The following AKAP6 variants were observed in gnomAD, a reference collection of about 807,000 sequenced individuals.
AKAP6 encodes A-kinase anchor protein 6.
A neutral mutation model predicts 188.5 loss-of-function variants in AKAP6; 58 were observed. The ratio of observed to expected loss-of-function variants is 0.31; its 90% CI spans 0.25 to 0.38. The LOEUF (loss-of-function observed/expected upper bound fraction) is 0.38, where lower values mean the gene tolerates loss of function less well. AKAP6 is among the 10% of genes least tolerant of loss of function. The pLI is 1.00. For missense variants in AKAP6, 2,710 were observed against 2,740.0 expected (o/e 0.99, Z 0.24); for synonymous variants, 989 against 998.6 (o/e 0.99, Z 0.18).
chr14:32,764,614 A>C (rs2032645824), intron 11 of AKAP6, among the ~76,000 whole-genome samples: 1 of 152,098 alleles, frequency 6.6e-6, no homozygotes, highest in Non-Finnish European at 1.5e-5. Flanking sequence ...TTTGTTGCTT[A>C]TTAGCTGTGT....
At position 32,621,252 on chromosome 14, in the gene AKAP6, T is replaced by A. The variant is rs554073279; in HGVS notation, c.2730+20460T>A. Among the ~76,000 whole-genome samples, 14 of 152,214 alleles carry A rather than the reference T, an allele frequency of 9.2e-5. No homozygotes were observed. In the South Asian group the frequency reaches 1.0e-3, roughly 11 times the overall value. On this transcript the variant is annotated intron_variant, in intron 7 of 13. Coordinates refer to ENST00000280979, the MANE Select transcript of AKAP6 (RefSeq NM_004274.5). ...GGTTTGTTCTTATTTCTCTACTTTC[T>A]TGAGGTGTGGCAATAAACTGTCAAT... is the stretch of plus-strand genomic sequence containing the variant.
At chr14:32,659,874 G>C (rs1334435040) in intron 7 of AKAP6, among the ~76,000 whole-genome samples, 1 of 152,042 alleles carries the variant, frequency 6.6e-6, no homozygotes, top group Non-Finnish European at 1.5e-5. Flanking sequence ...GCTAAGATTT[G>C]TCTTCATTCA....
intron 7 of AKAP6, among the ~76,000 whole-genome samples, chr14:32,652,330 C>G (rs1888267335): frequency 6.6e-6 from 1 of 152,282 alleles, no homozygotes; most frequent in Non-Finnish European, 1.5e-5. Flanking sequence ...TCTTCCTCGA[C>G]TAGGCCTCTT....
At chr14:32,731,627 TC>T (rs1455171548) in intron 9 of AKAP6, among the ~76,000 whole-genome samples, 1 of 152,140 alleles carries the variant, frequency 6.6e-6, no homozygotes, top group Non-Finnish European at 1.5e-5. Flanking sequence ...GATTTTCTAC[TC>T]AGAGGAGTTT....
At chr14:32,520,474 A>G (rs2139056603) in intron 2 of AKAP6, among the ~76,000 whole-genome samples, 1 of 152,340 alleles carries the variant, frequency 6.6e-6, no homozygotes, top group South Asian at 2.1e-4. Context: ...AAGAAAAGAG[A>G]GAAGAATCGA....
At chr14:32,685,564 C>T (rs1431261386) in intron 8 of AKAP6, among the ~76,000 whole-genome samples, 1 of 151,280 alleles carries the variant, frequency 6.6e-6, no homozygotes, top group African/African-American at 2.4e-5. Flanking sequence ...CTCTACTAAA[C>T]ATACAAAAAA....
chr14:32,795,390 A>G (rs2033735749), intron 12 of AKAP6, among the ~76,000 whole-genome samples: 1 of 152,152 alleles, frequency 6.6e-6, no homozygotes, highest in Non-Finnish European at 1.5e-5. Context: ...TCCTCAATAA[A>G]CTACTGGCAA....
chr14:32,835,427 G>T lies in AKAP6; in HGVS notation c.*5622G>T, dbSNP rs1028696641. 8 of 152,226 alleles carry T rather than the reference G, an allele frequency of 5.3e-5. No homozygotes were observed. Among genetic ancestry groups the T allele is most frequent in the Non-Finnish European group, 1.2e-4 (8 of 68,022 alleles). 9.4% of individuals were successfully genotyped at this position (152,226 alleles called of 1,614,324 possible). ...TGCCTGGCTTTGATTGATTTAGAGG[G>T]TTAGTCAATTACAGACTAAATAATT... On this transcript the variant is annotated 3_prime_UTR_variant, in exon 14 of 14. Transcript: ENST00000280979.
At chr14:32,816,920 A>G (rs2034392659) in intron 12 of AKAP6, among the ~76,000 whole-genome samples, 1 of 152,162 alleles carries the variant, frequency 6.6e-6, no homozygotes, top group Non-Finnish European at 1.5e-5. Context: ...CATATTACAA[A>G]ACCTTCTTAA....
chr14:32,547,422 C>A (rs1883250349), intron 4 of AKAP6, among the ~76,000 whole-genome samples: 1 of 152,196 alleles, frequency 6.6e-6, no homozygotes, highest in Admixed American at 6.5e-5. Flanking sequence ...CATTCCACAT[C>A]TCCAATGTTA....
intron 12 of AKAP6, among the ~76,000 whole-genome samples, chr14:32,797,944 T>G (rs1489332117): frequency 7.6e-6 from 1 of 130,984 alleles, no homozygotes; most frequent in African/African-American, 3.0e-5. Context: ...AAAAAAACCA[T>G]TAACAGAGCA....
intron 1 of AKAP6, among the ~76,000 whole-genome samples, chr14:32,382,841 C>G (rs1342416489): frequency 6.6e-6 from 1 of 151,992 alleles, no homozygotes; most frequent in African/African-American, 2.4e-5. Context: ...GATGTGGTTG[C>G]CTGGAATAGG....
chr14:32,333,930 G>T (rs1163317319), intron 1 of AKAP6, among the ~76,000 whole-genome samples: 3 of 152,114 alleles, frequency 2.0e-5, no homozygotes, highest in Non-Finnish European at 4.4e-5. Flanking sequence ...TGCTGATGGA[G>T]GTATGTATCA....
intron 9 of AKAP6, among the ~76,000 whole-genome samples, chr14:32,700,135 G>C (rs1016332937): frequency 2.0e-5 from 3 of 152,202 alleles, no homozygotes; most frequent in Non-Finnish European, 4.4e-5. Context: ...AACGTTTAGA[G>C]AGTTATAGCT....
chr14:32,818,089 G>T (rs557482454), intron 12 of AKAP6, among the ~76,000 whole-genome samples: 1 of 152,222 alleles, frequency 6.6e-6, no homozygotes, highest in Admixed American at 6.5e-5. Context: ...GTGAGCGAGG[G>T]CAGAGTGAGT....
chr14:32,495,725 A>G (rs2138963036), intron 2 of AKAP6, among the ~76,000 whole-genome samples: 1 of 152,300 alleles, frequency 6.6e-6, no homozygotes, highest in Non-Finnish European at 1.5e-5. Context: ...TCTTGTTCCA[A>G]AAGGCAGGCT....
At position 32,455,369 on chromosome 14, in the gene AKAP6, A is replaced by T. The variant is rs375286211; in HGVS notation, c.324+21552A>T. On this transcript the variant is annotated intron_variant, in intron 2 of 13. Transcript: ENST00000280979. Reference sequence around the variant, plus strand: ...AAATTTCAGATTTCTCTTTTGCTATATATAAATAGGCATATAATTTTAGAT... The same window carrying T: ...AAATTTCAGATTTCTCTTTTGCTATTTATAAATAGGCATATAATTTTAGAT... Among the ~76,000 whole-genome samples the T allele has an allele frequency of 7.9e-5, 12 of 152,340 alleles. No homozygotes were observed. In the East Asian group the frequency reaches 1.7e-3, roughly 22 times the overall value.
At chr14:32,606,151 T>C (rs1886119335) in intron 7 of AKAP6, among the ~76,000 whole-genome samples, 1 of 152,186 alleles carries the variant, frequency 6.6e-6, no homozygotes, top group Non-Finnish European at 1.5e-5. Context: ...GAAATAGAGC[T>C]TCAGCACTCA....
chr14:32,639,041 A>G (rs893418237), intron 7 of AKAP6, among the ~76,000 whole-genome samples: 10 of 152,012 alleles, frequency 6.6e-5, no homozygotes, highest in African/African-American at 2.2e-4. Context: ...TCATATATAT[A>G]TAGGATTTAC....
Sources: allele counts gnomAD v4.1 joint callset (sites outside exome capture counted in the v4.1 genomes callset), GRCh38; gene constraint gnomAD v4.1.1; transcripts MANE v1.5; gene names NCBI Gene and HGNC (gene_info 2026-07-23, HGNC 2026-07-21).